CAMTA1: variants seen among roughly 807,000 people sequenced by gnomAD.
The protein encoded by CAMTA1 is calmodulin binding transcription activator 1.
A neutral mutation model predicts 170.9 loss-of-function variants in CAMTA1; 27 were observed. The observed-to-expected ratio is 0.16, with a 90% CI of 0.12 to 0.22. CAMTA1 has a LOEUF of 0.22. Ranked by LOEUF, CAMTA1 falls within the 10% of genes least tolerant of loss-of-function variation. The probability of loss-of-function intolerance (pLI) is 1.00; values close to 1 mark genes in which losing one functional copy is unlikely to be tolerated. For synonymous variants in CAMTA1, 833 were observed against 891.5 expected (o/e 0.93, Z 1.17); for missense variants, 1,619 against 2,217.2 (o/e 0.73, Z 5.42).
chr1:7,191,581 G>A (rs1654528120), intron 4 of CAMTA1, among the ~76,000 whole-genome samples: 1 of 152,142 alleles, frequency 6.6e-6, no homozygotes, highest in South Asian at 2.1e-4. Flanking sequence ...TCTTAAAACT[G>A]TTAAATTAAT....
At chr1:7,294,065 G>C (rs1673565820) in intron 5 of CAMTA1, among the ~76,000 whole-genome samples, 1 of 152,210 alleles carries the variant, frequency 6.6e-6, no homozygotes, top group South Asian at 2.1e-4. Context: ...GGCGTTAGTT[G>C]ATCCTGGTGC....
intron 3 of CAMTA1, among the ~76,000 whole-genome samples, chr1:6,996,631 A>G (rs575824626): frequency 6.7e-4 from 102 of 152,044 alleles, no homozygotes; most frequent in Non-Finnish European, 1.2e-3. Flanking sequence ...CTATCTGAGT[A>G]TTAGCTGCTC....
intron 5 of CAMTA1, among the ~76,000 whole-genome samples, chr1:7,318,169 C>A (rs1352729902): frequency 6.6e-6 from 1 of 152,228 alleles, no homozygotes; most frequent in African/African-American, 2.4e-5. Context: ...AGAGAACAGG[C>A]CTGTGTTCCT....
At position 7,041,390 on chromosome 1, in the gene CAMTA1, A is replaced by G. The variant is rs78341102; in HGVS notation, c.235-49914A>G. ...AGCTCACTGTTTGAAACACACACAC[A>G]CAACAGAACATAAATCAGAGGCAGA... On this transcript the variant is annotated intron_variant, in intron 3 of 22. Coordinates refer to ENST00000303635, the MANE Select transcript of CAMTA1 (RefSeq NM_015215.4). This position sits in a 1 kb window ranked among gnomAD's most constrained non-coding sequence, Gnocchi z 5.1. Among the ~76,000 whole-genome samples the G allele has an allele frequency of 3.4e-3, 523 of 152,362 alleles. 9 individuals are homozygous for G. The highest frequency in any genetic ancestry group is 0.012 in the African/African-American group (486 of 41,594).
At chr1:7,672,071 T>G (rs1033275195) in intron 10 of CAMTA1, 4 of 455,844 alleles carry the variant, frequency 8.8e-6, no homozygotes, top group African/African-American at 8.0e-5. Context: ...CAGGATGGCC[T>G]GTCCAGTGAG....
intron 4 of CAMTA1, among the ~76,000 whole-genome samples, chr1:7,209,895 C>T (rs1201753400): frequency 6.6e-6 from 1 of 152,198 alleles, no homozygotes; most frequent in Non-Finnish European, 1.5e-5. Context: ...ATATGCCCTT[C>T]ACGCAGATTC....
intron 6 of CAMTA1, among the ~76,000 whole-genome samples, chr1:7,501,812 C>T (rs1364182410): frequency 6.6e-6 from 1 of 152,114 alleles, no homozygotes; most frequent in Non-Finnish European, 1.5e-5. Flanking sequence ...GCAATAGAGT[C>T]TGGGGGTTCT....
chr1:6,948,060 T>G (rs1687858958), intron 3 of CAMTA1, among the ~76,000 whole-genome samples: 1 of 152,206 alleles, frequency 6.6e-6, no homozygotes, highest in African/African-American at 2.4e-5. Flanking sequence ...AGTACAATGT[T>G]GAATGGAAGG....
intron 3 of CAMTA1, among the ~76,000 whole-genome samples, chr1:6,869,239 C>CT (rs1220684933): frequency 6.6e-6 from 1 of 152,168 alleles, no homozygotes; most frequent in Non-Finnish European, 1.5e-5. Flanking sequence ...CTGCTGGCGC[C>CT]TGGGAGTGGG....
At chr1:7,147,063 TCA>T (rs1028738164) in intron 4 of CAMTA1, among the ~76,000 whole-genome samples, 3 of 150,404 alleles carry the variant, frequency 2.0e-5, no homozygotes, top group South Asian at 2.1e-4. Context: ...CAAATGTATA[TCA>T]CACACATGCA....
In CAMTA1 at chr1:7,333,183, A is replaced by T. The variant is rs895238087; in HGVS notation, c.438+83557A>T. 4.6e-5 allele frequency among the ~76,000 whole-genome samples: 7 copies of T among 152,194 alleles called. No individual in the cohort carries two copies. The highest frequency in any genetic ancestry group is 1.4e-4 in the African/African-American group (6 of 41,442). On this transcript the variant is annotated intron_variant, in intron 5 of 22. Coordinates refer to ENST00000303635, the MANE Select transcript of CAMTA1 (RefSeq NM_015215.4). This position sits in a 1 kb window ranked among gnomAD's most constrained non-coding sequence, Gnocchi z 4.4. Reference sequence around the variant, plus strand: ...AAACTGATTGATGGTAAACTTGATGATGTCGCCCTTCTCTGCAGTTTTTGG... The same window carrying T: ...AAACTGATTGATGGTAAACTTGATGTTGTCGCCCTTCTCTGCAGTTTTTGG...
At chr1:6,998,952 CT>C (rs1425631960) in intron 3 of CAMTA1, among the ~76,000 whole-genome samples, 1 of 152,090 alleles carries the variant, frequency 6.6e-6, no homozygotes, top group Non-Finnish European at 1.5e-5. Flanking sequence ...CCATTTTAAA[CT>C]TTTTTTAGTG....
intron 3 of CAMTA1, among the ~76,000 whole-genome samples, chr1:7,088,914 A>G (rs982793542): frequency 6.6e-5 from 10 of 152,206 alleles, no homozygotes; most frequent in Non-Finnish European, 7.3e-5. Flanking sequence ...GTGAAGCCAA[A>G]TGAGAACCAA....
Position 7,732,652 on chromosome 1 carries a change from G to A in CAMTA1, c.3066+53G>A. ...CCATTTCGCTTCATGTTTATGGATTGGCGAGGCAGTGGATGGATCACAGGC... is the reference window on the plus strand; with the variant it reads ...CCATTTCGCTTCATGTTTATGGATTAGCGAGGCAGTGGATGGATCACAGGC... On this transcript the variant is annotated intron_variant, in intron 12 of 22. Transcript: ENST00000303635. This position sits in a 1 kb window ranked among gnomAD's most constrained non-coding sequence, Gnocchi z 4.1. 1 of 1,509,046 alleles carries A rather than the reference G, an allele frequency of 6.6e-7. No homozygotes were observed. The highest frequency in any genetic ancestry group is 8.9e-7 in the Non-Finnish European group (1 of 1,125,426). The allele number at this position is 1,509,046 out of a possible 1,614,324, so 93.5% of individuals were successfully genotyped here.
intron 3 of CAMTA1, among the ~76,000 whole-genome samples, chr1:6,836,572 CAT>C (rs1321118328): frequency 1.3e-5 from 2 of 152,088 alleles, no homozygotes; most frequent in Non-Finnish European, 2.9e-5. Context: ...GCAGAGTCCA[CAT>C]GTGTGTGTAT....
intron 5 of CAMTA1, among the ~76,000 whole-genome samples, chr1:7,314,727 A>G (rs1417361113): frequency 6.6e-6 from 1 of 152,174 alleles, no homozygotes; most frequent in Non-Finnish European, 1.5e-5. Context: ...TTCATGTGCT[A>G]TTGACAAATC....
intron 4 of CAMTA1, among the ~76,000 whole-genome samples, chr1:7,225,589 T>G (rs1661559235): frequency 6.6e-6 from 1 of 151,946 alleles, no homozygotes; most frequent in Admixed American, 6.6e-5. Flanking sequence ...CCATCAAGAG[T>G]GGCGAGGCCG....
intron 3 of CAMTA1, among the ~76,000 whole-genome samples, chr1:6,930,566 G>A (rs946737048): frequency 3.3e-5 from 5 of 152,208 alleles, no homozygotes; most frequent in African/African-American, 1.2e-4. Flanking sequence ...GGGGTTAGGG[G>A]TTCGGCCCTC....
intron 5 of CAMTA1, among the ~76,000 whole-genome samples, chr1:7,403,883 G>T (rs954801188): frequency 2.6e-5 from 4 of 152,158 alleles, no homozygotes; most frequent in Non-Finnish European, 5.9e-5. Flanking sequence ...GGAAATGGGT[G>T]CAGGGAGGCA....
Sources: allele counts gnomAD v4.1 joint callset (sites outside exome capture counted in the v4.1 genomes callset), GRCh38; gene constraint gnomAD v4.1.1; non-coding constraint Gnocchi (gnomAD v3.1); transcripts MANE v1.5; gene names NCBI Gene and HGNC (gene_info 2026-07-23, HGNC 2026-07-21).